SKA2: variants seen among roughly 807,000 people sequenced by gnomAD.
SKA2 encodes the protein spindle and kinetochore associated complex subunit 2.
A neutral mutation model predicts 16.9 loss-of-function variants in SKA2; 13 were observed. The ratio of observed to expected loss-of-function variants is 0.77; its 90% confidence interval spans 0.50 to 1.22. The LOEUF (loss-of-function observed/expected upper bound fraction) is 1.22. Ranked by LOEUF, SKA2 falls within the 50% of genes most tolerant of loss-of-function variation. The pLI, the probability that SKA2 is intolerant of heterozygous loss-of-function variation, is 0.00. For synonymous variants in SKA2, 47 were observed against 48.5 expected (o/e 0.97, Z 0.13); for missense variants, 107 against 139.7 (o/e 0.77, Z 1.18).
At chr17:59,141,017 G>A (rs983478983) in intron 1 of SKA2, among the ~76,000 whole-genome samples, 16 of 151,286 alleles carry the variant, frequency 1.1e-4, no homozygotes, top group Admixed American at 7.3e-4. Flanking sequence ...GGCTGGTCTC[G>A]AACTCCTGAC....
chr17:59,129,962 A>AAGGAAGGG (rs1338779288), intron 2 of SKA2, among the ~76,000 whole-genome samples: 2 of 133,586 alleles, frequency 1.5e-5, no homozygotes, highest in Admixed American at 7.9e-5. Context: ...GGAGGGAAGG[A>AAGGAAGGG]AGGAAGGGAG....
At chr17:59,150,657 A>G (rs1393813026) in intron 1 of SKA2, among the ~76,000 whole-genome samples, 1 of 152,146 alleles carries the variant, frequency 6.6e-6, no homozygotes, top group Non-Finnish European at 1.5e-5. Context: ...AGGGAGGATT[A>G]TCTAAGCCCG....
chr17:59,120,771 T>C (rs962945155), intron 2 of SKA2, among the ~76,000 whole-genome samples: 2 of 152,000 alleles, frequency 1.3e-5, no homozygotes, highest in African/African-American at 4.8e-5. Flanking sequence ...ACAGCAACAA[T>C]AGAAGCTAGA....
At chr17:59,118,938 G>A (rs56769975) in intron 3 of SKA2, among the ~76,000 whole-genome samples, 10,498 of 152,144 alleles carry the variant, frequency 0.069, 511 homozygotes, top group South Asian at 0.26. Flanking sequence ...TCCCATGCTC[G>A]TGGCAGACTA....
chr17:59,130,596 C>T (rs931252685), intron 2 of SKA2, among the ~76,000 whole-genome samples: 4 of 150,956 alleles, frequency 2.6e-5, no homozygotes, highest in Admixed American at 1.3e-4. Flanking sequence ...CACCACTGCA[C>T]TCCAGCCTGG....
chr17:59,136,190 C>T (rs1306457472), intron 1 of SKA2, among the ~76,000 whole-genome samples: 3 of 152,216 alleles, frequency 2.0e-5, no homozygotes, highest in East Asian at 1.9e-4. Context: ...GACCGAGTTT[C>T]GCTCTTGTCA....
Position 59,119,146 on chromosome 17 carries a change from T to C in SKA2, c.297+173A>G, listed in dbSNP as rs114412434. Among the ~76,000 whole-genome samples, 876 of 152,350 alleles carry C rather than the reference T, an allele frequency of 5.7e-3. 13 individuals are homozygous for C. Among genetic ancestry groups the C allele is most frequent in the African/African-American group, 0.02 (847 of 41,576 alleles). On this transcript the variant is annotated intron_variant, in intron 3 of 3. Coordinates refer to ENST00000330137, the MANE Select transcript of SKA2 (RefSeq NM_182620.4). ...ATTAACCATGTCAAGTCCAAATGCT[T>C]ATTTTTAAATAAACAGAAATAAGAG... is the stretch of plus-strand genomic sequence containing the variant.
chr17:59,136,088 A>AG (rs893692178), intron 1 of SKA2, among the ~76,000 whole-genome samples: 7 of 151,930 alleles, frequency 4.6e-5, no homozygotes, highest in Middle Eastern at 3.4e-3. Context: ...GAAAAAAAAA[A>AG]CAGCTTGTGG....
intron 2 of SKA2, among the ~76,000 whole-genome samples, chr17:59,126,638 AAC>A (rs765551963): frequency 4.6e-5 from 7 of 152,230 alleles, no homozygotes; most frequent in Middle Eastern, 3.2e-3. Flanking sequence ...TCTCAACTAT[AAC>A]ACACGAAAAA....
intron 3 of SKA2, among the ~76,000 whole-genome samples, chr17:59,115,020 T>C (rs189270529): frequency 6.6e-6 from 1 of 152,106 alleles, no homozygotes; most frequent in Non-Finnish European, 1.5e-5. Context: ...ACCTTAAATG[T>C]AAATTTCTTT....
chr17:59,129,127 T>A (rs1456493238), intron 2 of SKA2: 1 of 152,460 alleles, frequency 6.6e-6, no homozygotes, highest in Non-Finnish European at 1.5e-5. Context: ...GGCAGGTAGA[T>A]CGCTTGAGTC....
At chr17:59,139,795 G>A (rs1278437165) in intron 1 of SKA2, among the ~76,000 whole-genome samples, 1 of 152,094 alleles carries the variant, frequency 6.6e-6, no homozygotes, top group East Asian at 1.9e-4. Context: ...GTCGCCACAT[G>A]GTTTCAAACA....
intron 2 of SKA2, among the ~76,000 whole-genome samples, chr17:59,126,458 T>C (rs1599664859): frequency 2.6e-5 from 4 of 152,140 alleles, no homozygotes; most frequent in Admixed American, 1.3e-4. Context: ...GGCTGGCACA[T>C]AGTAATGTTC....
At chr17:59,113,139 C>A (rs966529958) in intron 3 of SKA2, among the ~76,000 whole-genome samples, 1 of 151,892 alleles carries the variant, frequency 6.6e-6, no homozygotes, top group African/African-American at 2.4e-5. Context: ...GGGAGGATCA[C>A]TTGAGCCTGG....
At chr17:59,117,037 G>A (rs1171639579) in intron 3 of SKA2, among the ~76,000 whole-genome samples, 2 of 151,768 alleles carry the variant, frequency 1.3e-5, no homozygotes, top group South Asian at 2.1e-4. Flanking sequence ...GGATGGTCTC[G>A]ATCTCCTGGC....
At chr17:59,144,805 GT>G (rs2046519611) in intron 1 of SKA2, among the ~76,000 whole-genome samples, 1 of 151,986 alleles carries the variant, frequency 6.6e-6, no homozygotes, top group African/African-American at 2.4e-5. Flanking sequence ...TGGGTATAGA[GT>G]TTCTTTTTTA....
At chr17:59,119,533 A>T (rs2046319182) in intron 2 of SKA2, 38 bp from the exon 3 acceptor site, 1 of 1,584,242 alleles carries the variant, frequency 6.3e-7, no homozygotes, top group African/African-American at 1.4e-5. Context: ...TTAAATTATG[A>T]AAGATTAAAC....
intron 1 of SKA2, among the ~76,000 whole-genome samples, chr17:59,154,752 T>C (rs1287143439): frequency 6.6e-6 from 1 of 151,648 alleles, no homozygotes; most frequent in Non-Finnish European, 1.5e-5. Context: ...TTTCTTGGAG[T>C]GTGAACCACC....
In SKA2 at chr17:59,112,034, C is replaced by T. The variant is rs933302234; in HGVS notation, c.*243G>A. On this transcript the variant is annotated 3_prime_UTR_variant, in exon 4 of 4. Transcript: ENST00000330137. ...ACAAGACTAAGTGTGTGTGTGCATG[C>T]GTGTGTACATATATTTAAATCGTTT... 1.1e-5 allele frequency: 5 copies of T among 466,446 alleles called. No individual in the cohort carries two copies. Among genetic ancestry groups the T allele is most frequent in the Admixed American group, 4.0e-5 (1 of 24,716 alleles). The allele number at this position is 466,446 out of a possible 1,614,324, so 28.9% of individuals were successfully genotyped here.
Sources: allele counts gnomAD v4.1 joint callset (sites outside exome capture counted in the v4.1 genomes callset), GRCh38; gene constraint gnomAD v4.1.1; transcripts MANE v1.5; gene names NCBI Gene and HGNC (gene_info 2026-07-23, HGNC 2026-07-21).